The following RGS6 variants were observed in gnomAD, a reference collection of about 807,000 sequenced individuals.
RGS6 encodes the protein regulator of G-protein signaling 6.
A neutral mutation model predicts 78.5 loss-of-function variants in RGS6; 30 were observed. The ratio of observed to expected loss-of-function variants is 0.38; its 90% confidence interval spans 0.29 to 0.52. The LOEUF (loss-of-function observed/expected upper bound fraction) is 0.52. RGS6 is among the 20% of genes least tolerant of loss of function. The pLI, the probability that RGS6 is intolerant of heterozygous loss-of-function variation, is 0.85. For synonymous variants in RGS6, 206 were observed against 206.0 expected (o/e 1.00, Z 0.00); for missense variants, 495 against 609.7 (o/e 0.81, Z 1.98).
the RGS6 span, among the ~76,000 whole-genome samples, chr14:72,583,510 C>T: frequency 1.3e-5 from 2 of 152,186 alleles, no homozygotes; most frequent in African/African-American, 2.4e-5. Context: ...TTTGTCCACT[C>T]TCCCAGAGTG....
Position 72,387,931 on chromosome 14 carries a change from C to G in RGS6, c.184+35737C>G, listed in dbSNP as rs570169442. 3.9e-5 allele frequency among the ~76,000 whole-genome samples: 6 copies of G among 152,328 alleles called. No individual in the cohort carries two copies. In the South Asian group the frequency reaches 1.2e-3, roughly 32 times the overall value. On this transcript the variant is annotated intron_variant, in intron 3 of 17. Transcript: ENST00000553525. ...ACTGAGTCTCCACATCCTCTTCCTT[C>G]TGTGTGTGTCTGCATCCAAACTTCC... is the stretch of plus-strand genomic sequence containing the variant.
At chr14:72,607,342 C>G in the RGS6 span, among the ~76,000 whole-genome samples, 1 of 152,220 alleles carries the variant, frequency 6.6e-6, no homozygotes, top group East Asian at 1.9e-4. Context: ...CGGTGTCCAG[C>G]AAGGGCCTGC....
chr14:72,404,225 C>T (rs376041823), intron 3 of RGS6, among the ~76,000 whole-genome samples: 2 of 152,118 alleles, frequency 1.3e-5, no homozygotes, highest in South Asian at 2.1e-4. Flanking sequence ...ATGACTGTTT[C>T]AAAGTCAGAA....
intron 2 of RGS6, among the ~76,000 whole-genome samples, chr14:72,313,260 C>T (rs1431067697): frequency 6.6e-6 from 1 of 152,134 alleles, no homozygotes; most frequent in African/African-American, 2.4e-5. Context: ...ATTCAGGGCC[C>T]CTTGTTCAAG....
At chr14:72,366,301 G>A (rs1446559340) in intron 3 of RGS6, among the ~76,000 whole-genome samples, 3 of 152,162 alleles carry the variant, frequency 2.0e-5, no homozygotes, top group African/African-American at 7.2e-5. Context: ...GGTTCGAAAT[G>A]TTGGGATTGG....
At chr14:72,386,901 G>A (rs1281202245) in intron 3 of RGS6, among the ~76,000 whole-genome samples, 2 of 152,160 alleles carry the variant, frequency 1.3e-5, no homozygotes, top group Non-Finnish European at 2.9e-5. Flanking sequence ...ATTTCCTGGG[G>A]TGCTGGGGGT....
intron 2 of RGS6, among the ~76,000 whole-genome samples, chr14:72,004,000 C>T (rs1410504506): frequency 6.6e-6 from 1 of 152,172 alleles, no homozygotes; most frequent in Non-Finnish European, 1.5e-5. Flanking sequence ...CCAAACTTTG[C>T]TCTCCACTGG....
At chr14:72,582,241 C>T in the RGS6 span, among the ~76,000 whole-genome samples, 4 of 152,118 alleles carry the variant, frequency 2.6e-5, no homozygotes, top group East Asian at 7.7e-4. Flanking sequence ...TGGAAACAAA[C>T]CATACGCAAA....
At chr14:71,921,297 A>C in the RGS6 span, among the ~76,000 whole-genome samples, 1 of 152,228 alleles carries the variant, frequency 6.6e-6, no homozygotes, top group African/African-American at 2.4e-5. Context: ...GGTTCCCCCA[A>C]AGATTAAAAA....
At chr14:71,875,017 T>G in the RGS6 span, among the ~76,000 whole-genome samples, 73,970 of 152,000 alleles carry the variant, frequency 0.49, 18,344 homozygotes, top group South Asian at 0.66. Flanking sequence ...TGGATAAGCT[T>G]TTTGATGTGC....
At chr14:71,968,424 T>C (rs865834179) in intron 2 of RGS6, among the ~76,000 whole-genome samples, 1 of 152,206 alleles carries the variant, frequency 6.6e-6, no homozygotes, top group Non-Finnish European at 1.5e-5. Flanking sequence ...AGTTGGTGTT[T>C]TGAATTAGAT....
At chr14:72,523,388 T>A (rs1325395610) in intron 15 of RGS6, among the ~76,000 whole-genome samples, 1 of 152,236 alleles carries the variant, frequency 6.6e-6, no homozygotes, top group Non-Finnish European at 1.5e-5. Flanking sequence ...CCCATGGGGC[T>A]CAGGGGCTCT....
At chr14:72,249,681 T>G (rs1459032122) in intron 2 of RGS6, among the ~76,000 whole-genome samples, 2 of 152,200 alleles carry the variant, frequency 1.3e-5, no homozygotes, top group East Asian at 3.8e-4. Context: ...TTTATGGCCT[T>G]TTGGATTTAT....
chr14:72,413,486 G>C (rs1389946556), intron 3 of RGS6, among the ~76,000 whole-genome samples: 1 of 152,174 alleles, frequency 6.6e-6, no homozygotes, highest in Non-Finnish European at 1.5e-5. Context: ...TGGGTTTCCT[G>C]AATACAGCAC....
chr14:72,378,705 T>A (rs886505418), intron 3 of RGS6, among the ~76,000 whole-genome samples: 7 of 151,938 alleles, frequency 4.6e-5, no homozygotes, highest in Admixed American at 1.3e-4. Flanking sequence ...ATAAAAAGTT[T>A]CCCAAAAAAG....
At chr14:72,371,902 T>C (rs537142984) in intron 3 of RGS6, among the ~76,000 whole-genome samples, 20 of 152,346 alleles carry the variant, frequency 1.3e-4, no homozygotes, top group South Asian at 8.3e-4. Flanking sequence ...GTGGACATCA[T>C]GCTCTGGAGC....
At chr14:72,438,837 T>C (rs1244671504) in intron 3 of RGS6, among the ~76,000 whole-genome samples, 1 of 152,236 alleles carries the variant, frequency 6.6e-6, no homozygotes, top group African/African-American at 2.4e-5. Flanking sequence ...TCCAGGACTT[T>C]CTATTTCTTT....
At chr14:72,412,246 C>A (rs2093473551) in intron 3 of RGS6, among the ~76,000 whole-genome samples, 1 of 152,096 alleles carries the variant, frequency 6.6e-6, no homozygotes, top group Admixed American at 6.5e-5. Flanking sequence ...AATTTGAGAG[C>A]CTGTTATTGG....
At chr14:72,514,461 C>G (rs1467337509) in intron 14 of RGS6, among the ~76,000 whole-genome samples, 1 of 152,196 alleles carries the variant, frequency 6.6e-6, no homozygotes, top group African/African-American at 2.4e-5. Context: ...TTGAAAGCCT[C>G]TAGGGAGAAA....
Sources: gnomAD v4.1 joint callset for allele counts (sites outside exome capture counted in the v4.1 genomes callset) on GRCh38, gnomAD v4.1.1 for gene constraint, MANE v1.5 for transcripts, NCBI Gene and HGNC (gene_info 2026-07-23, HGNC 2026-07-21) for gene names.